The following CDH22 variants were observed in gnomAD, a reference collection of about 807,000 sequenced individuals.
CDH22 encodes cadherin-22.
In CDH22, 30 loss-of-function variants were observed where a neutral mutation model predicts 58.4. That is an observed-to-expected ratio of 0.51 (90% CI 0.38 to 0.70). CDH22 has a LOEUF of 0.70. CDH22 is among the 30% of genes least tolerant of loss of function. The pLI, the probability that CDH22 is intolerant of heterozygous loss-of-function variation, is 0.00. For missense variants in CDH22, 1,014 were observed against 1,233.9 expected (o/e 0.82, Z 2.67); for synonymous variants, 513 against 558.2 (o/e 0.92, Z 1.14).
At chr20:46,212,961 C>G (rs1600699403) in intron 6 of CDH22, 34 bp downstream of exon 6, 2 of 1,584,146 alleles carry the variant, frequency 1.3e-6, no homozygotes, top group African/African-American at 1.3e-5. Context: ...ACCCCTGAGG[C>G]CTGCCTCCCC....
At chr20:46,264,457 G>A (rs2086448549) in intron 1 of CDH22, among the ~76,000 whole-genome samples, 1 of 152,144 alleles carries the variant, frequency 6.6e-6, no homozygotes, top group African/African-American at 2.4e-5. Context: ...AATAATAAGA[G>A]GTAACACTGA....
At chr20:46,200,865 G>A (rs1478379562) in intron 7 of CDH22, among the ~76,000 whole-genome samples, 2 of 152,190 alleles carry the variant, frequency 1.3e-5, no homozygotes, top group East Asian at 1.9e-4. Context: ...CTTCTCTGGG[G>A]GCCGCGGCGT....
chr20:46,200,031 TG>T (rs2085944913), intron 7 of CDH22, among the ~76,000 whole-genome samples: 1 of 152,188 alleles, frequency 6.6e-6, no homozygotes, highest in Non-Finnish European at 1.5e-5. Context: ...TGGAGTGCAA[TG>T]GCACCATCTT....
At chr20:46,231,415 G>T (rs1010637289) in intron 3 of CDH22, among the ~76,000 whole-genome samples, 1 of 152,188 alleles carries the variant, frequency 6.6e-6, no homozygotes, top group African/African-American at 2.4e-5. Flanking sequence ...TTGGGGAGGA[G>T]CCCAGGCAAA....
rs2085721395 is a variant in CDH22 at position 46,174,590 on chromosome 20, A to G, written c.2403T>C (p.Tyr801=). The change falls in exon 12 of 12, where the codon TAT becomes TAC. Residue 801 remains tyrosine (Y), a synonymous_variant. Transcript: ENST00000537909. This position sits in a 1 kb window ranked among gnomAD's most constrained non-coding sequence, Gnocchi z 4.4. The part of the protein sequence containing the change: ...GSSGSEQDFA[Y]LSSWGPRFRP... ...GGAAGCGCGGACCCCAGCTGCTGAG[A>G]TAGGCGAAGTCCTGCTCGGAGCCCG... 6 of 1,533,840 alleles carry G rather than the reference A, an allele frequency of 3.9e-6. No individual in the cohort carries two copies. Among genetic ancestry groups the G allele is most frequent in the East Asian group, 2.4e-5 (1 of 40,852 alleles).
At chr20:46,244,499 C>T (rs1035480810) in intron 2 of CDH22, among the ~76,000 whole-genome samples, 1 of 152,254 alleles carries the variant, frequency 6.6e-6, no homozygotes, top group Admixed American at 6.5e-5. Context: ...GAAGATGGTG[C>T]TCTCATTTAT....
intron 4 of CDH22, among the ~76,000 whole-genome samples, chr20:46,219,623 C>A (rs1004331981): frequency 1.3e-5 from 2 of 152,174 alleles, no homozygotes; most frequent in African/African-American, 4.8e-5. Flanking sequence ...GACCCTGGGG[C>A]AAGATTGGTT....
At chr20:46,218,888 C>T (rs896420264) in intron 4 of CDH22, among the ~76,000 whole-genome samples, 1 of 152,142 alleles carries the variant, frequency 6.6e-6, no homozygotes, top group Admixed American at 6.5e-5. Context: ...TCCAACCTGC[C>T]GAGCACCAGG....
chr20:46,201,753 C>T (rs6124774), intron 7 of CDH22, among the ~76,000 whole-genome samples: 1 of 152,148 alleles, frequency 6.6e-6, no homozygotes, highest in African/African-American at 2.4e-5. Context: ...CATACTGTTC[C>T]TAAACTGCTA....
chr20:46,250,549 G>C (rs1291728095), intron 2 of CDH22, among the ~76,000 whole-genome samples: 6 of 152,206 alleles, frequency 3.9e-5, no homozygotes, highest in African/African-American at 1.4e-4. Flanking sequence ...GCAGTGGCAG[G>C]AGTGTGCATG....
intron 1 of CDH22, among the ~76,000 whole-genome samples, chr20:46,268,054 G>T (rs529247738): frequency 6.6e-4 from 100 of 152,386 alleles, no homozygotes; most frequent in African/African-American, 2.4e-3. Context: ...GTATCTACCA[G>T]ATATTGGACA....
chr20:46,261,896 C>T (rs183298461), intron 1 of CDH22, among the ~76,000 whole-genome samples: 3 of 152,192 alleles, frequency 2.0e-5, no homozygotes, highest in African/African-American at 7.2e-5. Context: ...GTATAAGGCA[C>T]GATGGAGCCA....
chr20:46,253,354 A>G (rs2086390495), intron 1 of CDH22, among the ~76,000 whole-genome samples: 1 of 152,088 alleles, frequency 6.6e-6, no homozygotes, highest in Non-Finnish European at 1.5e-5. Flanking sequence ...GGTGACGGTG[A>G]AGGGGTTAAG....
intron 7 of CDH22, among the ~76,000 whole-genome samples, chr20:46,205,452 G>A (rs981537448): frequency 6.6e-6 from 1 of 152,134 alleles, no homozygotes; most frequent in Non-Finnish European, 1.5e-5. Flanking sequence ...CTCCACAACT[G>A]AGCTGGGATT....
chr20:46,200,013 G>C (rs2085944781), intron 7 of CDH22, among the ~76,000 whole-genome samples: 2 of 148,136 alleles, frequency 1.4e-5, no homozygotes, highest in South Asian at 4.3e-4. Context: ...TCGCACTTTC[G>C]CCCAGGCTGG....
At chr20:46,254,683 G>C (rs976946781) in intron 1 of CDH22, among the ~76,000 whole-genome samples, 3 of 152,042 alleles carry the variant, frequency 2.0e-5, no homozygotes, top group African/African-American at 7.3e-5. Context: ...GAGAAGAAAA[G>C]TAAAGAAGGA....
At chr20:46,208,194 A>G (rs1203895055) in intron 7 of CDH22, among the ~76,000 whole-genome samples, 1 of 151,964 alleles carries the variant, frequency 6.6e-6, no homozygotes, top group Non-Finnish European at 1.5e-5. Flanking sequence ...CCATCCCTCT[A>G]ACACTGGCCA....
At chr20:46,240,524 C>T (rs767944416) in intron 3 of CDH22, among the ~76,000 whole-genome samples, 1 of 152,090 alleles carries the variant, frequency 6.6e-6, no homozygotes, top group Non-Finnish European at 1.5e-5. Flanking sequence ...AGGCGTCCAG[C>T]TGTGCTGTGT....
chr20:46,284,115 T>C (rs898887420), intron 1 of CDH22, among the ~76,000 whole-genome samples: 2 of 150,466 alleles, frequency 1.3e-5, no homozygotes, highest in African/African-American at 4.9e-5. Context: ...GATAAGAAAA[T>C]GGATTTTGTA....
Sources: gnomAD v4.1 joint callset for allele counts (sites outside exome capture counted in the v4.1 genomes callset) on GRCh38, gnomAD v4.1.1 for gene constraint, Gnocchi (gnomAD v3.1) non-coding constraint, MANE v1.5 for transcripts, NCBI Gene and HGNC (gene_info 2026-07-23, HGNC 2026-07-21) for gene names.